RFX7: variants seen among roughly 807,000 people sequenced by gnomAD.
RFX7 encodes DNA-binding protein RFX7.
In RFX7, 26 loss-of-function variants were observed where a neutral mutation model predicts 111.8. That is an observed-to-expected ratio of 0.23 (90% CI 0.17 to 0.32). The LOEUF is 0.32. Ranked by LOEUF, RFX7 falls within the 10% of genes least tolerant of loss-of-function variation. The probability of loss-of-function intolerance (pLI) is 1.00; values close to 1 mark genes in which losing one functional copy is unlikely to be tolerated. For synonymous variants in RFX7, 624 were observed against 624.4 expected (o/e 1.00, Z 0.01); for missense variants, 1,573 against 1,772.9 (o/e 0.89, Z 2.02).
In RFX7 at chr15:56,142,114, C is replaced by G. The variant is rs567397226; in HGVS notation, c.401+664G>C. On this transcript the variant is annotated intron_variant, in intron 5 of 9. Coordinates refer to ENST00000559447, the MANE Select transcript of RFX7 (RefSeq NM_022841.7). Reference sequence around the variant, plus strand: ...ATGCCCTCAAATTTGCTTTTATTTACTCTGCTGGAATAAATTCCTCCTTCC... The same window carrying G: ...ATGCCCTCAAATTTGCTTTTATTTAGTCTGCTGGAATAAATTCCTCCTTCC... Among the ~76,000 whole-genome samples, 6 of 152,204 alleles carry G rather than the reference C, an allele frequency of 3.9e-5. No individual in the cohort carries two copies. In the South Asian group the frequency reaches 1.2e-3, roughly 32 times the overall value.
At chr15:56,225,960 T>G (rs1596022195) in intron 2 of RFX7, among the ~76,000 whole-genome samples, 1 of 152,030 alleles carries the variant, frequency 6.6e-6, no homozygotes, top group East Asian at 1.9e-4. Flanking sequence ...ACTATTTTCT[T>G]TTATGATGGG....
chr15:56,121,433 G>A (rs1470567525), intron 5 of RFX7, among the ~76,000 whole-genome samples: 1 of 152,036 alleles, frequency 6.6e-6, no homozygotes, highest in Non-Finnish European at 1.5e-5. Context: ...TTACCTTTTT[G>A]TATAGGGCAA....
intron 2 of RFX7, among the ~76,000 whole-genome samples, chr15:56,187,298 C>A (rs1595996163): frequency 1.3e-5 from 2 of 151,942 alleles, no homozygotes; most frequent in East Asian, 3.9e-4. Context: ...GCAACCTCCG[C>A]CTCCTGGGTT....
At chr15:56,129,667 T>C (rs2042188235) in intron 5 of RFX7, among the ~76,000 whole-genome samples, 1 of 152,060 alleles carries the variant, frequency 6.6e-6, no homozygotes. Flanking sequence ...TCGCCCAGGG[T>C]AGGTGATGAT....
intron 5 of RFX7, among the ~76,000 whole-genome samples, chr15:56,129,744 G>A (rs2042188929): frequency 6.6e-6 from 1 of 152,180 alleles, no homozygotes; most frequent in African/African-American, 2.4e-5. Flanking sequence ...AATTCATAAA[G>A]GTCTTGCAAT....
intron 5 of RFX7, among the ~76,000 whole-genome samples, chr15:56,113,269 T>C (rs11633911): frequency 0.068 from 10,294 of 152,236 alleles, 456 homozygotes; most frequent in Non-Finnish European, 0.1. Context: ...CCATCAATGA[T>C]AGACTGGATA....
Position 56,238,282 on chromosome 15 carries a change from C to T in RFX7, c.161+4843G>A, listed in dbSNP as rs558249958. Reference sequence around the variant, plus strand: ...ACTAAGATGGAAACAAGAGATTAATCACTTAATATCTAGATGTTGATTGTC... The same window carrying T: ...ACTAAGATGGAAACAAGAGATTAATTACTTAATATCTAGATGTTGATTGTC... On this transcript the variant is annotated intron_variant, in intron 2 of 9. Transcript: ENST00000559447. 3.3e-4 allele frequency among the ~76,000 whole-genome samples: 50 copies of T among 152,252 alleles called. 1 individual carries two copies. The highest frequency in any genetic ancestry group is 1.2e-3 in the African/African-American group (49 of 41,552).
At chr15:56,129,943 G>C (rs2042191240) in intron 5 of RFX7, among the ~76,000 whole-genome samples, 1 of 152,164 alleles carries the variant, frequency 6.6e-6, no homozygotes, top group South Asian at 2.1e-4. Flanking sequence ...GTAAATGGTA[G>C]CTGAAAACTC....
intron 5 of RFX7, among the ~76,000 whole-genome samples, chr15:56,117,133 T>C (rs1399066221): frequency 6.6e-6 from 1 of 152,180 alleles, no homozygotes; most frequent in African/African-American, 2.4e-5. Flanking sequence ...TGTCAAGCTG[T>C]AAACTTATAA....
chr15:56,153,013 G>A (rs950173906), intron 3 of RFX7, among the ~76,000 whole-genome samples: 1 of 152,170 alleles, frequency 6.6e-6, no homozygotes, highest in Non-Finnish European at 1.5e-5. Context: ...AAGCCACAAA[G>A]AAGTCGAATC....
chr15:56,144,351 G>A (rs1294321316), intron 4 of RFX7, 50 bp downstream of exon 4: 2 of 1,039,774 alleles, frequency 1.9e-6, no homozygotes, highest in Admixed American at 4.1e-5. Flanking sequence ...ATATATCCTA[G>A]GGACATCCTA....
At chr15:56,244,925 T>A (rs1184259848), upstream of RFX7, among the ~76,000 whole-genome samples, 1 of 152,082 alleles carries the variant, frequency 6.6e-6, no homozygotes, top group Non-Finnish European at 1.5e-5. Context: ...TCAGGGAGGC[T>A]GCGTGGATGT....
intron 2 of RFX7, among the ~76,000 whole-genome samples, chr15:56,186,311 T>C (rs1347781831): frequency 1.3e-5 from 2 of 152,186 alleles, no homozygotes; most frequent in Non-Finnish European, 2.9e-5. Flanking sequence ...CCTATGAACA[T>C]TAAGACATCA....
intron 3 of RFX7, among the ~76,000 whole-genome samples, chr15:56,178,042 T>G (rs1357243807): frequency 1.3e-5 from 2 of 151,898 alleles, no homozygotes; most frequent in Non-Finnish European, 2.9e-5. Flanking sequence ...GTCCAATAAT[T>G]TTAATAATTT....
At chr15:56,100,136 C>G (rs1287525144) in intron 8 of RFX7, among the ~76,000 whole-genome samples, 2 of 152,156 alleles carry the variant, frequency 1.3e-5, no homozygotes, top group Admixed American at 6.5e-5. Context: ...AATCAGAATT[C>G]AAATCCTGGC....
chr15:56,197,792 C>G (rs1056732719), intron 2 of RFX7, among the ~76,000 whole-genome samples: 6 of 152,094 alleles, frequency 3.9e-5, no homozygotes, highest in Non-Finnish European at 8.8e-5. Context: ...GGTATTAAAA[C>G]AGATTCAAGG....
intron 5 of RFX7, among the ~76,000 whole-genome samples, chr15:56,110,271 G>T (rs1295793231): frequency 9.1e-6 from 1 of 110,472 alleles, no homozygotes; most frequent in Non-Finnish European, 2.0e-5. Context: ...GGAGGTGGGG[G>T]GGGGTCAGCC....
At chr15:56,124,207 G>T (rs1335294114) in intron 5 of RFX7, among the ~76,000 whole-genome samples, 1 of 152,098 alleles carries the variant, frequency 6.6e-6, no homozygotes, top group Non-Finnish European at 1.5e-5. Flanking sequence ...CGGATCACAA[G>T]GTCAGGAGAT....
rs1018766338 is a variant in RFX7 at position 56,094,472 on chromosome 15, A to G, written c.3256T>C (p.Tyr1086His). 6.2e-7 allele frequency: 1 copy of G among 1,613,960 alleles called. No homozygotes were observed. The highest frequency in any genetic ancestry group is 8.5e-7 in the Non-Finnish European group (1 of 1,179,870). The change falls in exon 10 of 10, where the codon TAT (tyrosine) becomes CAT (histidine). Residue 1086 changes from tyrosine (Y) to histidine (H), a missense_variant. Coordinates refer to ENST00000559447, the MANE Select transcript of RFX7 (RefSeq NM_022841.7). Reference protein sequence around the residue: ...SVSGHGILPSYQELVEDRFRK... With the variant: ...SVSGHGILPSHQELVEDRFRK... ...AAACGGTCTTCCACTAGTTCCTGAT[A>G]GCTTGGGAGAATACCATGGCCAGAA...
Sources: gnomAD v4.1 joint callset for allele counts (sites outside exome capture counted in the v4.1 genomes callset) on GRCh38, gnomAD v4.1.1 for gene constraint, MANE v1.5 for transcripts, NCBI Gene and HGNC (gene_info 2026-07-23, HGNC 2026-07-21) for gene names.